ODAD2: variants seen among roughly 807,000 people sequenced by gnomAD.
The protein encoded by ODAD2 is outer dynein arm docking complex subunit 2.
In ODAD2, 89 loss-of-function variants were observed where a neutral mutation model predicts 106.8. The ratio of observed to expected loss-of-function variants is 0.83; its 90% CI spans 0.70 to 0.99. The LOEUF is 0.99. ODAD2 is among the 50% of genes least tolerant of loss of function. The probability of loss-of-function intolerance (pLI) is 0.00; values close to 1 mark genes in which losing one functional copy is unlikely to be tolerated. For missense variants in ODAD2, 1,168 were observed against 1,238.5 expected (o/e 0.94, Z 0.85); for synonymous variants, 404 against 436.2 (o/e 0.93, Z 0.92).
In ODAD2 at chr10:27,860,762, G is replaced by A; in HGVS notation, c.2884C>T (p.His962Tyr). The A allele has an allele frequency of 6.2e-7, 1 of 1,614,146 alleles. No homozygotes were observed. Among genetic ancestry groups the A allele is most frequent in the Non-Finnish European group, 8.5e-7 (1 of 1,180,006 alleles). The change falls in exon 19 of 20, where the codon CAC becomes TAC. Residue 962 changes from histidine to tyrosine, a missense_variant. Around this residue, in one of 3 missense-constraint regions of ODAD2, gnomAD observed 701 missense variants for 712.3 expected, o/e 0.98. Coordinates refer to ENST00000305242, the MANE Select transcript of ODAD2 (RefSeq NM_018076.5). ...WGRNRVAFGEHKAVAPLVRYL... is the reference protein window; with the variant it reads ...WGRNRVAFGEYKAVAPLVRYL... ...CGCACTAGTGGAGCCACTGCTTTGT[G>A]CTCACCGAAGGCCACTCTATTCCTG...
chr10:27,968,106 T>G (rs1413813977), intron 9 of ODAD2, among the ~76,000 whole-genome samples: 3 of 151,522 alleles, frequency 2.0e-5, no homozygotes, highest in Non-Finnish European at 4.4e-5. Flanking sequence ...TTCAACAAGC[T>G]ATATGAACAT....
chr10:27,914,024 A>T (rs1844192453), intron 16 of ODAD2, among the ~76,000 whole-genome samples: 1 of 152,164 alleles, frequency 6.6e-6, no homozygotes, highest in Non-Finnish European at 1.5e-5. Flanking sequence ...ATAAACATAC[A>T]TGCAGGTATA....
Position 27,983,902 on chromosome 10 carries a change from G to T in ODAD2, c.760C>A (p.Pro254Thr), listed in dbSNP as rs747129111. 3 of 1,611,506 alleles carry T rather than the reference G, an allele frequency of 1.9e-6. No individual in the cohort carries two copies. The Admixed American group carries it at 5.1e-5, about 27-fold the overall frequency. The part of the protein sequence containing the change: ...RGEICYVLVK[P>T]HDGETLCITC... Reference sequence around the variant, plus strand: ...ATGCACAGAGTCTCACCATCGTGAGGTTTCACCAGCACATAACAAATTTCC... The same window carrying T: ...ATGCACAGAGTCTCACCATCGTGAGTTTTCACCAGCACATAACAAATTTCC... The change falls in exon 6 of 20, where the codon CCT becomes ACT. Residue 254 changes from proline to threonine, a missense_variant. Transcript: ENST00000305242.
chr10:27,976,095 A>C (rs569760489), intron 7 of ODAD2, among the ~76,000 whole-genome samples: 2 of 152,136 alleles, frequency 1.3e-5, no homozygotes, highest in Non-Finnish European at 2.9e-5. Flanking sequence ...TCCAACATTC[A>C]TTCCTAATAA....
At chr10:27,872,479 A>G (rs1052057505) in intron 17 of ODAD2, among the ~76,000 whole-genome samples, 4 of 151,802 alleles carry the variant, frequency 2.6e-5, no homozygotes, top group African/African-American at 9.7e-5. Context: ...TCAGGATGAT[A>G]TTGGCTGTGG....
At chr10:27,840,291 C>G (rs777658517) in intron 19 of ODAD2, among the ~76,000 whole-genome samples, 2 of 152,122 alleles carry the variant, frequency 1.3e-5, no homozygotes, top group Admixed American at 1.3e-4. Context: ...TCTAAAACAG[C>G]CTAAATAACA....
rs1338366814 is a variant in ODAD2 at position 27,935,176 on chromosome 10, C to T, written c.2329G>A (p.Val777Ile). ...TGGCAGCATTCTCCCAAGGCCCCAA[C>T]CACATTCACAAGTACTTCTTCAGGC... ...DQPEEVLVNVVGALGECCQER... is the reference protein window; with the variant it reads ...DQPEEVLVNVIGALGECCQER... Residue 777 changes from valine (V) to isoleucine (I), a missense_variant, in exon 16 of 20, where the codon GTT becomes ATT. Val to Ile is a conservative substitution (Grantham distance 29). Transcript: ENST00000305242. 4 of 1,613,916 alleles carry T rather than the reference C, an allele frequency of 2.5e-6. No individual in the cohort carries two copies. Among genetic ancestry groups the T allele is most frequent in the Non-Finnish European group, 3.4e-6 (4 of 1,179,914 alleles).
chr10:27,824,455 C>T (rs573156962), intron 19 of ODAD2, among the ~76,000 whole-genome samples: 24 of 152,302 alleles, frequency 1.6e-4, no homozygotes, highest in African/African-American at 5.3e-4. Context: ...CTTCCACCTA[C>T]TGCCCTTCTG....
At chr10:27,863,436 C>T (rs949782575) in intron 17 of ODAD2, among the ~76,000 whole-genome samples, 3 of 152,102 alleles carry the variant, frequency 2.0e-5, no homozygotes, top group Non-Finnish European at 4.4e-5. Context: ...GTGCATTGGA[C>T]GACTCAAATT....
Position 27,985,068 on chromosome 10 carries a change from T to C in ODAD2, c.526A>G (p.Lys176Glu), listed in dbSNP as rs1425604092. ...TTGAGGAGGTGCAGATCCAATTGCT[T>C]AAGCAGCATAGCAATCTTCATCTTA... is the stretch of plus-strand genomic sequence containing the variant. ...EIKMKIAMLL[K>E]QLDLHLLNHS... Residue 176 changes from lysine to glutamate, a missense_variant, in exon 4 of 20, where the codon AAG becomes GAG. Coordinates refer to ENST00000305242, the MANE Select transcript of ODAD2 (RefSeq NM_018076.5). The C allele has an allele frequency of 6.2e-7, 1 of 1,609,186 alleles. No individual in the cohort carries two copies. Among genetic ancestry groups the C allele is most frequent in the Admixed American group, 1.7e-5 (1 of 59,714 alleles).
chr10:27,936,432 C>A (rs919355021), intron 15 of ODAD2, among the ~76,000 whole-genome samples: 3 of 152,158 alleles, frequency 2.0e-5, no homozygotes, highest in Non-Finnish European at 4.4e-5. Context: ...TAGGTCCCCA[C>A]AGAAAATATC....
intron 19 of ODAD2, among the ~76,000 whole-genome samples, chr10:27,835,580 A>C (rs1837812405): frequency 6.6e-6 from 1 of 152,198 alleles, no homozygotes; most frequent in Admixed American, 6.5e-5. Flanking sequence ...AAGGACTGAT[A>C]GCCTACTGTT....
chr10:27,885,783 T>TA (rs1842150913), intron 17 of ODAD2, among the ~76,000 whole-genome samples: 1 of 53,390 alleles, frequency 1.9e-5, no homozygotes, highest in Non-Finnish European at 3.3e-5. Flanking sequence ...ATAAAATATA[T>TA]ATTATATATA....
chr10:27,826,949 G>C (rs1226803209), intron 19 of ODAD2, among the ~76,000 whole-genome samples: 1 of 151,706 alleles, frequency 6.6e-6, no homozygotes, highest in East Asian at 2.0e-4. Context: ...ACTTTTCCAA[G>C]GGTGACCTCC....
At chr10:27,846,858 C>T (rs1237792570) in intron 19 of ODAD2, among the ~76,000 whole-genome samples, 32 of 151,790 alleles carry the variant, frequency 2.1e-4, no homozygotes, top group Admixed American at 2.0e-3. Flanking sequence ...CATACACCCT[C>T]CCAAGACTAA....
chr10:27,840,023 A>T (rs2133098068), intron 19 of ODAD2, among the ~76,000 whole-genome samples: 1 of 152,336 alleles, frequency 6.6e-6, no homozygotes, highest in East Asian at 1.9e-4. Flanking sequence ...AATAATTTAC[A>T]TCGATTTAAC....
chr10:27,874,264 G>A (rs1413803289), intron 17 of ODAD2, among the ~76,000 whole-genome samples: 6 of 152,112 alleles, frequency 3.9e-5, no homozygotes, highest in African/African-American at 1.4e-4. Flanking sequence ...CACATGAGAT[G>A]GGTCTCCTGA....
chr10:27,881,004 T>C (rs1841668149), intron 17 of ODAD2, among the ~76,000 whole-genome samples: 1 of 152,160 alleles, frequency 6.6e-6, no homozygotes, highest in South Asian at 2.1e-4. Context: ...GGGGAGCACA[T>C]CCTAGCATCC....
At chr10:27,960,032 T>C (rs1279768346) in intron 10 of ODAD2, among the ~76,000 whole-genome samples, 1 of 151,960 alleles carries the variant, frequency 6.6e-6, no homozygotes, top group Non-Finnish European at 1.5e-5. Flanking sequence ...TAAAAACCAT[T>C]TTAAAAATTG....
Sources: allele counts gnomAD v4.1 joint callset (sites outside exome capture counted in the v4.1 genomes callset), GRCh38; gene constraint gnomAD v4.1.1; regional missense constraint gnomAD v4.1.1; transcripts MANE v1.5; gene names NCBI Gene and HGNC (gene_info 2026-07-23, HGNC 2026-07-21).